The following STK39 variants were observed in gnomAD, a reference collection of about 807,000 sequenced individuals.
STK39 encodes the protein STE20/SPS1-related proline-alanine-rich protein kinase.
STK39 carries 20 observed loss-of-function variants against 77.8 expected under a neutral mutation model. The observed-to-expected ratio is 0.26, with a 90% CI of 0.18 to 0.37. STK39 has a LOEUF of 0.37. Ranked by LOEUF, STK39 falls within the 10% of genes least tolerant of loss-of-function variation. The pLI, the probability that STK39 is intolerant of heterozygous loss-of-function variation, is 1.00. For missense variants in STK39, 479 were observed against 656.5 expected (o/e 0.73, Z 2.95); for synonymous variants, 246 against 234.1 (o/e 1.05, Z -0.47).
At chr2:168,241,122 G>C (rs1054089611) in intron 1 of STK39, among the ~76,000 whole-genome samples, 2 of 152,190 alleles carry the variant, frequency 1.3e-5, no homozygotes, top group African/African-American at 4.8e-5. Context: ...AAGAAGTAGG[G>C]AGAGTGTTTT....
intron 2 of STK39, among the ~76,000 whole-genome samples, chr2:168,170,203 G>A (rs1056880774): frequency 4.6e-5 from 7 of 152,116 alleles, no homozygotes; most frequent in African/African-American, 1.7e-4. Context: ...AATGATGGGT[G>A]TTATTTGAAA....
rs145150577 is a variant in STK39, at chr2:168,132,972, A to G, written c.975-3214T>C. 2.2e-3 allele frequency among the ~76,000 whole-genome samples: 337 copies of G among 152,348 alleles called. 2 individuals carry two copies. Among genetic ancestry groups the G allele is most frequent in the African/African-American group, 7.8e-3 (326 of 41,574 alleles). ...CTAGATTCAGTTAGCACCAAAATCT[A>G]TGCATCTGTTCAATACAGCGGGGAA... On this transcript the variant is annotated intron_variant, in intron 8 of 17. Transcript: ENST00000355999.
chr2:168,139,405 A>ATTT (rs57900746), intron 7 of STK39, among the ~76,000 whole-genome samples: 45,739 of 138,856 alleles, frequency 0.33, 7,360 homozygotes, highest in East Asian at 0.5. Context: ...TGTTAAAAAA[A>ATTT]ATTTATATAT....
chr2:168,124,432 G>A (rs1436522209), intron 10 of STK39, among the ~76,000 whole-genome samples: 12 of 151,990 alleles, frequency 7.9e-5, no homozygotes, highest in Admixed American at 5.2e-4. Context: ...GCGGAGTCTC[G>A]ATCTGTTGCC....
chr2:168,172,336 C>T (rs538246153), intron 2 of STK39, among the ~76,000 whole-genome samples: 14 of 152,168 alleles, frequency 9.2e-5, no homozygotes, highest in Non-Finnish European at 2.1e-4. Context: ...CATCTGTTGG[C>T]CCCACTGGCT....
At position 168,129,505 on chromosome 2, in the gene STK39, G is replaced by T. The variant is rs552346847; in HGVS notation, c.1089+36C>A. 1.4e-5 allele frequency: 22 copies of T among 1,608,008 alleles called. No homozygotes were observed. The South Asian group carries it at 1.8e-4, about 13-fold the overall frequency. ...TATGGGTTTCATTTCCCTGGGGATT[G>T]GTTCCTACAGGGTCATGAAGGCTAA... On this transcript the variant is annotated intron_variant, in intron 10 of 17. Coordinates refer to ENST00000355999, the MANE Select transcript of STK39 (RefSeq NM_013233.3).
chr2:168,202,519 G>A (rs995439240), intron 1 of STK39, among the ~76,000 whole-genome samples: 4 of 152,044 alleles, frequency 2.6e-5, no homozygotes, highest in African/African-American at 9.7e-5. Flanking sequence ...AGGTCTCTCT[G>A]ACATGAAAAA....
chr2:168,226,543 A>T (rs1368327502), intron 1 of STK39, among the ~76,000 whole-genome samples: 1 of 152,212 alleles, frequency 6.6e-6, no homozygotes, highest in African/African-American at 2.4e-5. Context: ...CATTTTTTAG[A>T]CCATAAGTGA....
Position 168,039,585 on chromosome 2 carries a change from C to A in STK39, c.1377-22490G>T, listed in dbSNP as rs1241734088. Among the ~76,000 whole-genome samples the A allele has an allele frequency of 6.1e-4, 9 of 14,758 alleles. 3 individuals are homozygous for A. Among genetic ancestry groups the A allele is most frequent in the Non-Finnish European group, 1.6e-3 (7 of 4,400 alleles). 9.7% of individuals were successfully genotyped at this position (14,758 alleles called of 152,430 possible). On this transcript the variant is annotated intron_variant, in intron 14 of 17. Transcript: ENST00000355999. ...CCGCAGTCCGACCTGGGCGACAGAG[C>A]GAGACTCCGTCTCCAAAAAAAAAAA...
chr2:168,015,386 C>G (rs7589454), intron 15 of STK39, among the ~76,000 whole-genome samples: 8,526 of 152,276 alleles, frequency 0.056, 839 homozygotes, highest in African/African-American at 0.19. Context: ...CAGACAGCAT[C>G]AATAGTCACA....
chr2:168,208,304 C>A (rs539258634), intron 1 of STK39, among the ~76,000 whole-genome samples: 31 of 152,254 alleles, frequency 2.0e-4, no homozygotes, highest in Non-Finnish European at 4.3e-4. Flanking sequence ...GACTATATAA[C>A]CCTAAAATGA....
intron 1 of STK39, among the ~76,000 whole-genome samples, chr2:168,228,259 T>C (rs1023116617): frequency 1.1e-4 from 17 of 152,200 alleles, no homozygotes; most frequent in Admixed American, 2.0e-4. Flanking sequence ...TTTATTTTAC[T>C]TGCCGTAACA....
intron 16 of STK39, among the ~76,000 whole-genome samples, chr2:167,984,169 T>G (rs974941417): frequency 2.6e-5 from 4 of 152,236 alleles, no homozygotes; most frequent in Non-Finnish European, 5.9e-5. Context: ...CATAAACTAG[T>G]GTTCCTATTA....
intron 14 of STK39, among the ~76,000 whole-genome samples, chr2:168,032,831 G>C (rs974105003): frequency 6.6e-6 from 1 of 152,226 alleles, no homozygotes; most frequent in Non-Finnish European, 1.5e-5. Context: ...ACATATAGGA[G>C]AGCTTTCCTC....
rs547603903 is a variant in STK39 at position 168,121,194 on chromosome 2, C to T, written c.1089+8347G>A. The stretch of plus-strand genomic sequence containing the variant: ...AAAGAGCATAGATTGAGAATAAGAA[C>T]TGGAGTTCACTCCTGCTTATTTGGC... On this transcript the variant is annotated intron_variant, in intron 10 of 17. Coordinates refer to ENST00000355999, the MANE Select transcript of STK39 (RefSeq NM_013233.3). Among the ~76,000 whole-genome samples the T allele has an allele frequency of 1.2e-3, 180 of 152,330 alleles. 1 individual carries two copies. Among genetic ancestry groups the T allele is most frequent in the Middle Eastern group, 3.4e-3 (1 of 294 alleles).
At chr2:168,112,397 G>C (rs987549681) in intron 10 of STK39, among the ~76,000 whole-genome samples, 1 of 152,004 alleles carries the variant, frequency 6.6e-6, no homozygotes, top group African/African-American at 2.4e-5. Flanking sequence ...GATCATGGGG[G>C]TGGTTTCCCC....
intron 14 of STK39, among the ~76,000 whole-genome samples, chr2:168,042,577 C>CTTTTTTTTTTTTTTTTTT (rs540413448): frequency 1.5e-5 from 2 of 133,046 alleles, no homozygotes. Context: ...TTCCTTCCTT[C>CTTTTTTTTTTTTTTTTTT]TTTTTTTTTT....
intron 1 of STK39, among the ~76,000 whole-genome samples, chr2:168,230,496 C>A (rs1016519425): frequency 6.6e-6 from 1 of 152,216 alleles, no homozygotes; most frequent in Non-Finnish European, 1.5e-5. Context: ...CCCAGCCAAG[C>A]TGACCATGGG....
At chr2:168,067,440 G>C (rs1685824618) in intron 12 of STK39, among the ~76,000 whole-genome samples, 1 of 152,150 alleles carries the variant, frequency 6.6e-6, no homozygotes, top group African/African-American at 2.4e-5. Context: ...TTATGTGCCT[G>C]TTCTCACTTC....
Sources: gnomAD v4.1 joint callset for allele counts (sites outside exome capture counted in the v4.1 genomes callset) on GRCh38, gnomAD v4.1.1 for gene constraint, MANE v1.5 for transcripts, NCBI Gene and HGNC (gene_info 2026-07-23, HGNC 2026-07-21) for gene names.